SLCO1B1: variants seen among roughly 807,000 people sequenced by gnomAD.
The protein encoded by SLCO1B1 is solute carrier organic anion transporter family member 1B1.
A neutral mutation model predicts 70.1 loss-of-function variants in SLCO1B1; 81 were observed. The ratio of observed to expected loss-of-function variants is 1.16; its 90% confidence interval spans 0.97 to 1.39. The LOEUF is 1.39. Ranked by LOEUF, SLCO1B1 falls within the 40% of genes most tolerant of loss-of-function variation. The pLI is 0.00. For synonymous variants in SLCO1B1, 283 were observed against 271.5 expected, an observed-to-expected ratio of 1.04 and a Z score of -0.42; for missense variants, 895 against 799.6, an observed-to-expected ratio of 1.12 and a Z score of -1.44.
chr12:21,226,606 T>C (rs1941484686), intron 14 of SLCO1B1, among the ~76,000 whole-genome samples: 1 of 152,004 alleles, frequency 6.6e-6, no homozygotes, highest in Non-Finnish European at 1.5e-5. Context: ...TGAAATGATT[T>C]TATATGATAT....
At chr12:21,190,671 C>T (rs1468795976) in intron 7 of SLCO1B1, among the ~76,000 whole-genome samples, 1 of 152,124 alleles carries the variant, frequency 6.6e-6, no homozygotes, top group Non-Finnish European at 1.5e-5. Flanking sequence ...CAGTCCCCTT[C>T]CATCTTTCCC....
rs74064213 is a variant in SLCO1B1 at position 21,206,031 on chromosome 12, A to G, written c.1495A>G (p.Ile499Val). 1.4e-3 allele frequency: 2,235 copies of G among 1,610,694 alleles called. 42 individuals carry two copies. The African/African-American group carries it at 0.027, about 20-fold the overall frequency. Residue 499 changes from isoleucine to valine, a missense_variant and splice_region_variant, in exon 11 of 15, where the codon ATA becomes GTA. Physicochemically the swap from Ile to Val is conservative, Grantham distance 29. Coordinates refer to ENST00000256958, the MANE Select transcript of SLCO1B1 (RefSeq NM_006446.5). ...CKSSSGNKKP[I>V]VFYNCSCLEV... ...ATCTTCAAGTGGCAATAAAAAGCCTATAGTGAGTATTAGTTTTTACTTTCC... is the reference window on the plus strand; with the variant it reads ...ATCTTCAAGTGGCAATAAAAAGCCTGTAGTGAGTATTAGTTTTTACTTTCC...
chr12:21,141,388 G>A (rs529598947), intron 1 of SLCO1B1, 126 bp from the exon 2 acceptor site: 25 of 439,628 alleles, frequency 5.7e-5, no homozygotes, highest in East Asian at 2.7e-4. Context: ...GAGTGGTAAC[G>A]ACATAGTAGA....
Position 21,200,598 on chromosome 12 carries a change from G to A in SLCO1B1, c.1061G>A (p.Gly354Asp), listed in dbSNP as rs769283535. The A allele has an allele frequency of 3.1e-6, 5 of 1,611,354 alleles. No individual in the cohort carries two copies. The highest frequency in any genetic ancestry group is 4.2e-6 in the Non-Finnish European group (5 of 1,178,246). ...TTGTTACAAGTAAGCAGCTATATTG[G>A]TGCTTTTACTTATGTCTTCAAATAC... ...LTLLQVSSYI[G>D]AFTYVFKYVE... Residue 354 changes from glycine (G) to aspartate (D), a missense_variant, in exon 9 of 15, where the codon GGT becomes GAT. Coordinates refer to ENST00000256958, the MANE Select transcript of SLCO1B1 (RefSeq NM_006446.5).
At chr12:21,228,690 G>A (rs1240640023) in intron 14 of SLCO1B1, among the ~76,000 whole-genome samples, 2 of 152,144 alleles carry the variant, frequency 1.3e-5, no homozygotes, top group Non-Finnish European at 2.9e-5. Context: ...GCCAGGAGCC[G>A]AGGAATGTAG....
chr12:21,225,984 T>C (rs191720669), intron 14 of SLCO1B1, among the ~76,000 whole-genome samples: 2 of 152,338 alleles, frequency 1.3e-5, no homozygotes, highest in East Asian at 1.9e-4. Flanking sequence ...TGTCTTTCAA[T>C]AGGTGAATGG....
intron 11 of SLCO1B1, among the ~76,000 whole-genome samples, chr12:21,210,280 C>T (rs1413166090): frequency 7.8e-6 from 1 of 128,310 alleles, no homozygotes; most frequent in African/African-American, 3.0e-5. Context: ...CTACATATGG[C>T]TAGCCAGTTT....
chr12:21,132,694 G>A (rs1281626767), intron 1 of SLCO1B1, among the ~76,000 whole-genome samples: 2 of 149,890 alleles, frequency 1.3e-5, no homozygotes, highest in Non-Finnish European at 1.5e-5. Context: ...TTTGTCTTTT[G>A]TAAATTTGTT....
intron 8 of SLCO1B1, among the ~76,000 whole-genome samples, chr12:21,198,955 A>G (rs1187756211): frequency 2.0e-5 from 3 of 152,156 alleles, no homozygotes; most frequent in Non-Finnish European, 4.4e-5. Context: ...GAAAGGCCAC[A>G]ACTCACTTAT....
chr12:21,132,376 G>T (rs1353215147), intron 1 of SLCO1B1, among the ~76,000 whole-genome samples: 1 of 152,260 alleles, frequency 6.6e-6, no homozygotes, highest in East Asian at 1.9e-4. Flanking sequence ...GGGTCAAATG[G>T]TATTTCCAGT....
At position 21,202,524 on chromosome 12, in the gene SLCO1B1, T is replaced by A; in HGVS notation, c.1169T>A (p.Met390Lys). Residue 390 changes from methionine to lysine, a missense_variant, in exon 10 of 15, where the codon ATG becomes AAG. Transcript: ENST00000256958. ...ACCATACCTATTTTTGCAAGTGGAA[T>A]GTTTTTAGGAGGATATATCATTAAA... ...VITIPIFASG[M>K]FLGGYIIKKF... 6.2e-7 allele frequency: 1 copy of A among 1,609,852 alleles called. No homozygotes were observed. The highest frequency in any genetic ancestry group is 1.1e-5 in the South Asian group (1 of 90,246).
rs551150783 is a variant in SLCO1B1, at chr12:21,163,693, A to G, written c.85-8957A>G. On this transcript the variant is annotated intron_variant, in intron 2 of 14. Coordinates refer to ENST00000256958, the MANE Select transcript of SLCO1B1 (RefSeq NM_006446.5). ...CTGACATGGCTAAAAGAGAAAGAGA[A>G]TGGAAGTGAGTTCTCTTCTTAAAAG... Among the ~76,000 whole-genome samples, 7 of 152,298 alleles carry G rather than the reference A, an allele frequency of 4.6e-5. No homozygotes were observed. The East Asian group carries it at 1.4e-3, about 29-fold the overall frequency.
chr12:21,200,104 A>G (rs112673747), intron 8 of SLCO1B1, among the ~76,000 whole-genome samples: 3,581 of 152,136 alleles, frequency 0.024, 134 homozygotes, highest in African/African-American at 0.081. Context: ...CCCGGCCTTC[A>G]CTTTTGTTTT....
rs28373147 is a variant in SLCO1B1, at chr12:21,139,354, C to T, written c.-61-2160C>T. 3.3e-3 allele frequency among the ~76,000 whole-genome samples: 507 copies of T among 152,156 alleles called. 3 individuals are homozygous for T. Among genetic ancestry groups the T allele is most frequent in the African/African-American group, 0.012 (483 of 41,516 alleles). ...CACTGAACCCAGAAACCCGACATAT[C>T]TAGGTACAGGCATGCATAAAACATG... On this transcript the variant is annotated intron_variant, in intron 1 of 14. Transcript: ENST00000256958.
chr12:21,234,101 A>G (rs375805848), intron 14 of SLCO1B1, among the ~76,000 whole-genome samples: 13 of 152,272 alleles, frequency 8.5e-5, no homozygotes, highest in Admixed American at 4.6e-4. Context: ...TGAGAATTTG[A>G]GGACTGGAGT....
At chr12:21,144,033 TCTC>T (rs1010329455) in intron 2 of SLCO1B1, among the ~76,000 whole-genome samples, 5 of 152,098 alleles carry the variant, frequency 3.3e-5, no homozygotes, top group Admixed American at 2.0e-4. Context: ...TTCTACCCCT[TCTC>T]CTCAATTTTT....
intron 2 of SLCO1B1, among the ~76,000 whole-genome samples, chr12:21,149,877 C>G (rs1376757333): frequency 6.6e-6 from 1 of 152,112 alleles, no homozygotes; most frequent in African/African-American, 2.4e-5. Context: ...GGAAAAGGGG[C>G]TGAAGCTAGG....
At chr12:21,140,330 T>C (rs963870141) in intron 1 of SLCO1B1, among the ~76,000 whole-genome samples, 2 of 152,054 alleles carry the variant, frequency 1.3e-5, no homozygotes, top group African/African-American at 4.8e-5. Flanking sequence ...AAATATGTAT[T>C]GTTTACATAC....
chr12:21,207,839 G>C (rs1941231830), intron 11 of SLCO1B1, among the ~76,000 whole-genome samples: 4 of 151,750 alleles, frequency 2.6e-5, no homozygotes, highest in Admixed American at 2.6e-4. Flanking sequence ...CAGCCCTTCT[G>C]ACTGGTGTGA....
Sources: allele counts gnomAD v4.1 joint callset (sites outside exome capture counted in the v4.1 genomes callset), GRCh38; gene constraint gnomAD v4.1.1; transcripts MANE v1.5; gene names NCBI Gene and HGNC (gene_info 2026-07-23, HGNC 2026-07-21).